Variants in NTNG2 observed in about 807,000 individuals in gnomAD.
NTNG2 encodes netrin G2, also known as netrin-G2.
A neutral mutation model predicts 47.6 loss-of-function variants in NTNG2; 15 were observed. The ratio of observed to expected loss-of-function variants is 0.32; its 90% CI spans 0.21 to 0.49. The LOEUF is 0.49. NTNG2 is among the 20% of genes least tolerant of loss of function. The probability of loss-of-function intolerance (pLI) is 0.99; values close to 1 mark genes in which losing one functional copy is unlikely to be tolerated. For synonymous variants in NTNG2, 307 were observed against 324.6 expected (o/e 0.95, Z 0.58); for missense variants, 578 against 764.6 (o/e 0.76, Z 2.88).
intron 2 of NTNG2, among the ~76,000 whole-genome samples, chr9:132,190,650 T>C (rs1239716448): frequency 6.6e-6 from 1 of 152,232 alleles, no homozygotes; most frequent in East Asian, 1.9e-4. Flanking sequence ...AGCTTGCCTA[T>C]GATGTTTACA....
chr9:132,195,517 C>T (rs1308080887), intron 2 of NTNG2, among the ~76,000 whole-genome samples: 23 of 119,528 alleles, frequency 1.9e-4, no homozygotes, highest in African/African-American at 7.4e-4. Flanking sequence ...TTAGTAGAGA[C>T]GGGGTTTCAC....
rs1428186401 is a variant in NTNG2 at position 132,215,917 on chromosome 9, G to C, written c.858-10932G>C. Among the ~76,000 whole-genome samples, 1 of 152,144 alleles carries C rather than the reference G, an allele frequency of 6.6e-6. No individual in the cohort carries two copies. The highest frequency in any genetic ancestry group is 2.4e-5 in the African/African-American group (1 of 41,404). ...ACAATAATAATAGCTGACGTTTCCG[G>C]AGGGCATGCTCTGTGCCAGACCCAG... On this transcript the variant is annotated intron_variant, in intron 3 of 7. Transcript: ENST00000393229. This position sits in a 1 kb window ranked among gnomAD's most constrained non-coding sequence, Gnocchi z 4.2.
intron 4 of NTNG2, among the ~76,000 whole-genome samples, chr9:132,230,040 G>A (rs927128209): frequency 1.3e-5 from 2 of 152,230 alleles, no homozygotes; most frequent in Non-Finnish European, 2.9e-5. Flanking sequence ...TCCCTCATAG[G>A]GTTCTTGTGA....
chr9:132,233,855 T>C (rs1342785832), intron 5 of NTNG2: 1 of 152,144 alleles, frequency 6.6e-6, no homozygotes, highest in Non-Finnish European at 1.5e-5. Context: ...AGCTGGATTT[T>C]ATGATATGTA....
chr9:132,238,002 G>GC (rs1180412600), intron 5 of NTNG2, among the ~76,000 whole-genome samples: 5 of 152,212 alleles, frequency 3.3e-5, no homozygotes, highest in Admixed American at 3.3e-4. Flanking sequence ...AGTCTCCCAT[G>GC]CCCTTGACCA....
chr9:132,174,292 C>T (rs533631473), intron 2 of NTNG2, among the ~76,000 whole-genome samples: 5 of 134,064 alleles, frequency 3.7e-5, no homozygotes, highest in East Asian at 2.4e-4. Context: ...ACAGGCAGGC[C>T]GCACCATGCT....
intron 2 of NTNG2, among the ~76,000 whole-genome samples, chr9:132,187,610 A>AGAGG (rs1395402693): frequency 1.1e-4 from 16 of 141,712 alleles, no homozygotes; most frequent in African/African-American, 3.6e-4. Context: ...ACAGAAAACA[A>AGAGG]GAGGGAGGGA....
At chr9:132,201,045 G>C (rs1838705815) in intron 3 of NTNG2, among the ~76,000 whole-genome samples, 1 of 152,240 alleles carries the variant, frequency 6.6e-6, no homozygotes, top group Admixed American at 6.5e-5. Context: ...ACTGCTCAGG[G>C]AAACCCTCAT....
rs539653706 is a variant in NTNG2, at chr9:132,176,644, T to C, written c.213+9600T>C. 2.1e-4 allele frequency among the ~76,000 whole-genome samples: 32 copies of C among 152,258 alleles called. 1 individual carries two copies. Among genetic ancestry groups the C allele is most frequent in the Non-Finnish European group, 2.4e-4 (16 of 68,046 alleles). On this transcript the variant is annotated intron_variant, in intron 2 of 7. Transcript: ENST00000393229. The stretch of plus-strand genomic sequence containing the variant: ...TTCTGGCTATTAGGAGTGATACTGC[T>C]GTGGACATTTGGGTCTCAGTTTTTG...
chr9:132,202,923 T>C (rs961226198), intron 3 of NTNG2, among the ~76,000 whole-genome samples: 1 of 152,146 alleles, frequency 6.6e-6, no homozygotes, highest in Non-Finnish European at 1.5e-5. Flanking sequence ...AGTTTTCTCA[T>C]CTGCAAAATG....
intron 2 of NTNG2, among the ~76,000 whole-genome samples, chr9:132,195,771 G>A (rs1286565081): frequency 6.6e-6 from 1 of 151,606 alleles, no homozygotes; most frequent in African/African-American, 2.4e-5. Flanking sequence ...TAGGACCACA[G>A]GTGTGCACCA....
At position 132,176,115 on chromosome 9, in the gene NTNG2, G is replaced by A. The variant is rs762221124; in HGVS notation, c.213+9071G>A. ...TATAACCCCAGCACTTTGGGAGGCCGAGGCAGGAGGATCACTTGAGGCCAA... is the reference window on the plus strand; with the variant it reads ...TATAACCCCAGCACTTTGGGAGGCCAAGGCAGGAGGATCACTTGAGGCCAA... On this transcript the variant is annotated intron_variant, in intron 2 of 7. Transcript: ENST00000393229. Among the ~76,000 whole-genome samples, 13 of 152,134 alleles carry A rather than the reference G, an allele frequency of 8.5e-5. 1 individual carries two copies. The highest frequency in any genetic ancestry group is 2.7e-4 in the African/African-American group (11 of 41,492).
Position 132,197,920 on chromosome 9 carries a change from C to T in NTNG2, c.214-46C>T, listed in dbSNP as rs772157056. On this transcript the variant is annotated intron_variant, in intron 2 of 7. Transcript: ENST00000393229. This position sits in a 1 kb window ranked among gnomAD's most constrained non-coding sequence, Gnocchi z 4.3. ...CCGCGCAGAGGCTTCCCAGGCCATC[C>T]CGAGCATCCAGCACCCACCCTTCCC... is the stretch of plus-strand genomic sequence containing the variant. The T allele has an allele frequency of 7.1e-6, 11 of 1,558,082 alleles. No individual in the cohort carries two copies. Among genetic ancestry groups the T allele is most frequent in the African/African-American group, 1.4e-5 (1 of 73,634 alleles).
chr9:132,228,327 C>T (rs58825737), intron 4 of NTNG2, among the ~76,000 whole-genome samples: 270 of 152,344 alleles, frequency 1.8e-3, no homozygotes, highest in African/African-American at 6.3e-3. Context: ...ACAGCACTCT[C>T]GGGTCTTCAA....
At chr9:132,209,826 G>A (rs1839451165) in intron 3 of NTNG2, among the ~76,000 whole-genome samples, 1 of 151,916 alleles carries the variant, frequency 6.6e-6, no homozygotes, top group Admixed American at 6.6e-5. Flanking sequence ...GGAATGGGGA[G>A]GGGAGAGGGC....
chr9:132,235,926 G>C (rs1841592855), intron 5 of NTNG2, among the ~76,000 whole-genome samples: 1 of 152,124 alleles, frequency 6.6e-6, no homozygotes, highest in Admixed American at 6.5e-5. Context: ...GGAGCGGCCT[G>C]GTAGAGCAGG....
intron 3 of NTNG2, among the ~76,000 whole-genome samples, chr9:132,201,419 C>T (rs1233066571): frequency 2.0e-5 from 3 of 152,228 alleles, no homozygotes; most frequent in African/African-American, 7.2e-5. Context: ...TCGTTGAACT[C>T]GGTTGGGTTA....
At chr9:132,173,703 TGGACAGAC>T (rs1836115659) in intron 2 of NTNG2, among the ~76,000 whole-genome samples, 1 of 126,104 alleles carries the variant, frequency 7.9e-6, no homozygotes, top group African/African-American at 3.0e-5. Flanking sequence ...GACGGATGGA[TGGACAGAC>T]GGACAGACAG....
intron 2 of NTNG2, among the ~76,000 whole-genome samples, chr9:132,169,387 G>A (rs1361023043): frequency 6.6e-6 from 1 of 152,192 alleles, no homozygotes; most frequent in African/African-American, 2.4e-5. Flanking sequence ...TTGGAGGGGT[G>A]GTTTTTGGAG....
Sources: allele counts gnomAD v4.1 joint callset (sites outside exome capture counted in the v4.1 genomes callset), GRCh38; gene constraint gnomAD v4.1.1; non-coding constraint Gnocchi (gnomAD v3.1); transcripts MANE v1.5; gene names NCBI Gene and HGNC (gene_info 2026-07-23, HGNC 2026-07-21).